Variants in CABCOCO1 observed in about 807,000 individuals in gnomAD.
The protein encoded by CABCOCO1 is ciliary associated calcium binding coiled-coil 1.
In CABCOCO1, 28 loss-of-function variants were observed where a neutral mutation model predicts 35.7. The ratio of observed to expected loss-of-function variants is 0.78; its 90% CI spans 0.58 to 1.07. The LOEUF is 1.07. CABCOCO1 is among the 50% of genes least tolerant of loss of function. The probability of loss-of-function intolerance (pLI) is 0.00; values close to 1 mark genes in which losing one functional copy is unlikely to be tolerated. For synonymous variants in CABCOCO1, 95 were observed against 100.1 expected (o/e 0.95, Z 0.30); for missense variants, 326 against 309.2 (o/e 1.05, Z -0.41).
intron 4 of CABCOCO1, among the ~76,000 whole-genome samples, chr10:61,689,787 ATAT>A (rs1281538944): frequency 6.6e-6 from 1 of 152,142 alleles, no homozygotes; most frequent in Non-Finnish European, 1.5e-5. Flanking sequence ...AAAAATTCAA[ATAT>A]TATCACAAAC....
intron 5 of CABCOCO1, among the ~76,000 whole-genome samples, chr10:61,741,292 A>T (rs555471753): frequency 6.6e-6 from 1 of 152,310 alleles, no homozygotes; most frequent in Admixed American, 6.5e-5. Context: ...GAAGTGAATC[A>T]TATGACAACA....
chr10:61,760,691 A>G (rs1007262132), intron 6 of CABCOCO1, among the ~76,000 whole-genome samples, 172 bp from the exon 7 acceptor site: 2 of 152,112 alleles, frequency 1.3e-5, no homozygotes, highest in African/African-American at 4.8e-5. Context: ...TGATAGGTGC[A>G]GAAAACCACC....
chr10:61,732,936 A>G (rs1237185232), intron 5 of CABCOCO1, among the ~76,000 whole-genome samples: 2 of 152,066 alleles, frequency 1.3e-5, no homozygotes, highest in African/African-American at 4.8e-5. Context: ...GATCTTTATC[A>G]TTACAGTGAA....
chr10:61,685,861 C>T (rs962005423), intron 3 of CABCOCO1, among the ~76,000 whole-genome samples, 180 bp from the exon 4 acceptor site: 7 of 152,198 alleles, frequency 4.6e-5, no homozygotes, highest in African/African-American at 1.7e-4. Flanking sequence ...CCGTGCCCAG[C>T]CAGCTTCTAT....
intron 7 of CABCOCO1, among the ~76,000 whole-genome samples, chr10:61,764,425 G>C (rs561214211): frequency 6.6e-6 from 1 of 152,064 alleles, no homozygotes; most frequent in East Asian, 1.9e-4. Context: ...CACAAAATTG[G>C]AAGTTGGAAT....
intron 5 of CABCOCO1, among the ~76,000 whole-genome samples, chr10:61,745,746 T>C (rs1193095076): frequency 1.3e-5 from 2 of 152,232 alleles, no homozygotes; most frequent in Non-Finnish European, 2.9e-5. Flanking sequence ...TAAAGCTTAC[T>C]GGCAGAGGGT....
intron 5 of CABCOCO1, chr10:61,701,928 C>T (rs535730223): frequency 7.8e-6 from 4 of 510,546 alleles, no homozygotes; most frequent in South Asian, 8.4e-5. Flanking sequence ...AACCAAAGAT[C>T]GTTGGATCTT....
In CABCOCO1 at chr10:61,663,000, C is replaced by CCGACCCCGGCAGGGT. The variant is rs2131936445; in HGVS notation, c.38_39insAGGGTCGACCCCGGC (p.Gly14_Thr15insSerThrProAlaGly). On this transcript the variant is annotated inframe_insertion, in exon 1 of 8. Transcript: ENST00000648843. ...GTCGCAGGGGACGACTCCCTGGGGG[C>CCGACCCCGGCAGGGT]CGACCCCGGCGGGAACCACGCCCGA... 1 of 359,776 alleles carries CCGACCCCGGCAGGGT rather than the reference C, an allele frequency of 2.8e-6. No individual in the cohort carries two copies. Among genetic ancestry groups the CCGACCCCGGCAGGGT allele is most frequent in the Non-Finnish European group, 5.9e-6 (1 of 170,542 alleles). The allele number at this position is 359,776 out of a possible 1,614,324, so 22.3% of individuals were successfully genotyped here. A position where few individuals can be genotyped will look rare whatever the true frequency, so the allele number is the denominator to read the frequency against.
At chr10:61,761,146 T>A (rs1842001301) in intron 7 of CABCOCO1, 143 bp downstream of exon 7, 1 of 831,728 alleles carries the variant, frequency 1.2e-6, no homozygotes, top group African/African-American at 1.8e-5. Context: ...CACATAATTC[T>A]CAGTTGAGTC....
At chr10:61,730,650 C>T (rs6479772) in intron 5 of CABCOCO1, among the ~76,000 whole-genome samples, 98,877 of 151,690 alleles carry the variant, frequency 0.65, 33,823 homozygotes, top group Middle Eastern at 0.84. Flanking sequence ...TTATTATTAA[C>T]TGTTTATTAA....
At chr10:61,685,572 T>A (rs1416886960) in intron 3 of CABCOCO1, among the ~76,000 whole-genome samples, 2 of 152,202 alleles carry the variant, frequency 1.3e-5, no homozygotes, top group African/African-American at 2.4e-5. Flanking sequence ...GGGTCAGCGC[T>A]ATTCCTGAGA....
chr10:61,669,503 G>A (rs986866882), intron 1 of CABCOCO1, among the ~76,000 whole-genome samples: 2 of 152,006 alleles, frequency 1.3e-5, no homozygotes, highest in African/African-American at 4.8e-5. Flanking sequence ...AAAGCAGAAT[G>A]TATGTGTTGA....
intron 3 of CABCOCO1, among the ~76,000 whole-genome samples, chr10:61,681,716 A>T (rs936266081): frequency 6.6e-6 from 1 of 152,140 alleles, no homozygotes; most frequent in Non-Finnish European, 1.5e-5. Context: ...AAATGAAGAA[A>T]CTTTCTGTGT....
At chr10:61,680,702 G>A (rs1399223300) in intron 2 of CABCOCO1, among the ~76,000 whole-genome samples, 4 of 81,172 alleles carry the variant, frequency 4.9e-5, no homozygotes, top group Non-Finnish European at 6.8e-5. Context: ...ACATATATAT[G>A]TTATACATGT....
At chr10:61,740,802 T>C (rs1398618855) in intron 5 of CABCOCO1, among the ~76,000 whole-genome samples, 2 of 152,126 alleles carry the variant, frequency 1.3e-5, no homozygotes, top group Non-Finnish European at 2.9e-5. Context: ...TAATTTAACA[T>C]CAAGAAGTAA....
chr10:61,690,537 T>C lies in CABCOCO1; in HGVS notation c.480-12T>C. The C allele has an allele frequency of 2.5e-6, 4 of 1,572,350 alleles. No individual in the cohort carries two copies. In the South Asian group the frequency reaches 4.6e-5, roughly 18 times the overall value. On this transcript the variant is annotated splice_polypyrimidine_tract_variant and intron_variant, in intron 4 of 7. Transcript: ENST00000648843. ...TCAACTTATCAGAGTGCACATTTATTTTATATTTCAGCTTATTTCAACACT... is the reference window on the plus strand; with the variant it reads ...TCAACTTATCAGAGTGCACATTTATCTTATATTTCAGCTTATTTCAACACT...
intron 5 of CABCOCO1, among the ~76,000 whole-genome samples, chr10:61,708,983 A>T (rs1840660954): frequency 1.3e-5 from 2 of 152,132 alleles, no homozygotes; most frequent in Non-Finnish European, 1.5e-5. Flanking sequence ...TCATTTCTTT[A>T]AAAAACCTCC....
intron 2 of CABCOCO1, among the ~76,000 whole-genome samples, chr10:61,680,601 T>C (rs1299771309): frequency 6.8e-5 from 1 of 14,652 alleles, no homozygotes; most frequent in African/African-American, 2.5e-4. Context: ...ATGTTATACA[T>C]GTATAACATG....
rs1213019805 is a variant in CABCOCO1 at position 61,686,069 on chromosome 10, A to G, written c.363A>G (p.Ile121Met). 7.5e-6 allele frequency: 12 copies of G among 1,606,602 alleles called. No homozygotes were observed. In the African/African-American group the frequency reaches 1.5e-4, roughly 20 times the overall value. ...TACATATGTCCTTAGAGGAAAGCAT[A>G]AAATGGCTTGGAGAAGTTATGGCTG... is the stretch of plus-strand genomic sequence containing the variant. ...KTLHMSLEES[I>M]KWLGEVMAEI... Residue 121 changes from isoleucine to methionine, a missense_variant, in exon 4 of 8, where the codon ATA (isoleucine) becomes ATG (methionine). Coordinates refer to ENST00000648843, the MANE Select transcript of CABCOCO1 (RefSeq NM_001366906.2).
Sources: gnomAD v4.1 joint callset for allele counts (sites outside exome capture counted in the v4.1 genomes callset) on GRCh38, gnomAD v4.1.1 for gene constraint, MANE v1.5 for transcripts, NCBI Gene and HGNC (gene_info 2026-07-23, HGNC 2026-07-21) for gene names.